NUP85: variants seen among roughly 807,000 people sequenced by gnomAD.
NUP85 encodes the protein nucleoporin 85, also known as nuclear pore complex protein Nup85.
In NUP85, 23 loss-of-function variants were observed where a neutral mutation model predicts 92.8. That is an observed-to-expected ratio of 0.25 (90% CI 0.18 to 0.35). The LOEUF (loss-of-function observed/expected upper bound fraction) is 0.35, where lower values mean the gene tolerates loss of function less well. Among genes scored for constraint, NUP85 ranks in the 10% least tolerant of loss-of-function variants. The probability of loss-of-function intolerance (pLI) is 1.00; values close to 1 mark genes in which losing one functional copy is unlikely to be tolerated. For missense variants in NUP85, 759 were observed against 822.8 expected (o/e 0.92, Z 0.95); for synonymous variants, 314 against 306.9 (o/e 1.02, Z -0.24).
At position 75,233,127 on chromosome 17, in the gene NUP85, C is replaced by T; in HGVS notation, c.1584C>T (p.Ala528=). Residue 528 remains alanine, a synonymous_variant, in exon 16 of 19, where the codon GCC becomes GCT. Coordinates refer to ENST00000245544, the MANE Select transcript of NUP85 (RefSeq NM_024844.5). ...ATCTCATTGACAACCTGGGGCCAGC[C>T]ATGATGCTCAGTGACCGACTGACAT... The part of the protein sequence containing the change: ...DLDLIDNLGP[A]MMLSDRLTFL... The T allele has an allele frequency of 6.2e-7, 1 of 1,614,148 alleles. No homozygotes were observed.
chr17:75,211,973 G>A lies in NUP85; in HGVS notation c.291-19G>A, dbSNP rs748357056. On this transcript the variant is annotated intron_variant, in intron 3 of 18. Coordinates refer to ENST00000245544, the MANE Select transcript of NUP85 (RefSeq NM_024844.5). ...AAGATGTTCCAGGCTCATCTTGTGT[G>A]TTATTTCATTTTTTGTAGATTGGTT... The A allele has an allele frequency of 1.9e-6, 3 of 1,597,760 alleles. No homozygotes were observed. The highest frequency in any genetic ancestry group is 1.1e-5 in the South Asian group (1 of 90,008).
Position 75,225,161 on chromosome 17 carries a change from A to C in NUP85, c.656A>C (p.Glu219Ala). Residue 219 changes from glutamate to alanine, a missense_variant, in exon 8 of 19, where the codon GAA (glutamate) becomes GCA (alanine). Physicochemically the swap from Glu to Ala is moderately radical, Grantham distance 107 (BLOSUM62 -1). Coordinates refer to ENST00000245544, the MANE Select transcript of NUP85 (RefSeq NM_024844.5). ...GAGGCCCGACAGATGCTCTCCAAGG[A>C]AGCCGATGCCAGCCCCGCCTCTGCA... ...LDEARQMLSKEADASPASAGI... is the reference protein window; with the variant it reads ...LDEARQMLSKAADASPASAGI... 2 of 1,604,748 alleles carry C rather than the reference A, an allele frequency of 1.2e-6. No homozygotes were observed. The highest frequency in any genetic ancestry group is 1.7e-6 in the Non-Finnish European group (2 of 1,174,454).
At chr17:75,234,996 A>G (rs1309039196) in intron 17 of NUP85, 104 bp from the exon 18 acceptor site, 1 of 1,065,642 alleles carries the variant, frequency 9.4e-7, no homozygotes, top group Non-Finnish European at 1.5e-6. Context: ...AAAGCACACT[A>G]TTGCGAAGGG....
chr17:75,235,557 C>CT, intron 18 of NUP85, 21 bp from the exon 19 acceptor site: 1 of 1,582,020 alleles, frequency 6.3e-7, no homozygotes, highest in Non-Finnish European at 8.7e-7. Flanking sequence ...TTAGCTCATG[C>CT]TGGCGCTCTC....
At chr17:75,234,881 T>C in intron 17 of NUP85, 93 bp downstream of exon 17, 1 of 1,494,366 alleles carries the variant, frequency 6.7e-7, no homozygotes. Flanking sequence ...TTTCCTCCTT[T>C]GTCGTTCTGC....
rs1259936921 is a variant in NUP85, at chr17:75,233,414, TTTC to T, written c.1615+262_1615+264del. ...TTCTCTTTCTCTTTCTCTTTCTTTC[TTTC>T]TTCTTTTCTTTTATTTTTTCTTTTT... is the stretch of plus-strand genomic sequence containing the variant. On this transcript the variant is annotated intron_variant, in intron 16 of 18. Transcript: ENST00000245544. Among the ~76,000 whole-genome samples, 82 of 130,292 alleles carry T rather than the reference TTTC, an allele frequency of 6.3e-4. 1 individual carries two copies. The South Asian group carries it at 0.017, about 27-fold the overall frequency. The allele number at this position is 130,292 out of a possible 152,430, so 85.5% of individuals were successfully genotyped here. A position where few individuals can be genotyped will look rare whatever the true frequency, so the allele number is the denominator to read the frequency against.
chr17:75,232,793 C>G, intron 14 of NUP85, 58 bp from the exon 15 acceptor site: 1 of 1,505,102 alleles, frequency 6.6e-7, no homozygotes, highest in Non-Finnish European at 9.2e-7. Context: ...CCACAGGGCT[C>G]AGGAATGGAG....
At chr17:75,218,401 A>T in intron 7 of NUP85, 95 bp downstream of exon 7, 2 of 1,513,280 alleles carry the variant, frequency 1.3e-6, no homozygotes, top group Non-Finnish European at 9.1e-7. Context: ...CTCCAGCAGT[A>T]GGCTGGCTTT....
At chr17:75,235,450 C>T in intron 18 of NUP85, 128 bp from the exon 19 acceptor site, 2 of 668,664 alleles carry the variant, frequency 3.0e-6, no homozygotes, top group East Asian at 2.7e-5. Context: ...CTTTCTTTTA[C>T]ATCGATAATT....
Position 75,232,949 on chromosome 17 carries a change from G to A in NUP85, c.1495G>A (p.Ala499Thr), listed in dbSNP as rs780475013. 5.0e-6 allele frequency: 8 copies of A among 1,614,230 alleles called. No homozygotes were observed. Among genetic ancestry groups the A allele is most frequent in the Non-Finnish European group, 3.4e-6 (4 of 1,180,044 alleles). ...WSIRAKDAAF[A>T]TLVSDRFLRD... ...CATCCGTGCTAAGGATGCCGCCTTT[G>A]CCACGCTCGTGTCAGACAGGTGGGT... Residue 499 changes from alanine to threonine, a missense_variant, in exon 15 of 19, where the codon GCC (alanine) becomes ACC (threonine). Coordinates refer to ENST00000245544, the MANE Select transcript of NUP85 (RefSeq NM_024844.5).
intron 1 of NUP85, among the ~76,000 whole-genome samples, chr17:75,207,532 T>C (rs2075122967): frequency 6.6e-6 from 1 of 151,448 alleles, no homozygotes; most frequent in Admixed American, 6.6e-5. Context: ...CAGAGTGGAG[T>C]GCAGTGGCGT....
At chr17:75,206,980 T>C in intron 1 of NUP85, among the ~76,000 whole-genome samples, 1 of 152,144 alleles carries the variant, frequency 6.6e-6, no homozygotes, top group East Asian at 1.9e-4. Flanking sequence ...GTGCTGGGAT[T>C]ACAGGCGTGA....
intron 9 of NUP85, 43 bp downstream of exon 9, chr17:75,225,507 G>C: frequency 6.2e-7 from 1 of 1,601,824 alleles, no homozygotes; most frequent in South Asian, 1.1e-5. Flanking sequence ...GGCTTCCTAT[G>C]GGGGCTGTGG....
Position 75,215,770 on chromosome 17 carries a change from C to T in NUP85, c.422C>T (p.Ala141Val). The T allele has an allele frequency of 6.2e-7, 1 of 1,613,950 alleles. No homozygotes were observed. Among genetic ancestry groups the T allele is most frequent in the Non-Finnish European group, 8.5e-7 (1 of 1,179,824 alleles). The change falls in exon 6 of 19, where the codon GCA becomes GTA. Residue 141 changes from alanine to valine, a missense_variant. Transcript: ENST00000245544. ...QFSSQVSILS[A>V]MELIWNLCEI... ...CTTCCTTAGGTCTCCATTTTGTCAG[C>T]AATGGAGCTCATCTGGAACCTGTGT...
chr17:75,225,911 T>C (rs967186924), intron 10 of NUP85, 82 bp downstream of exon 10: 1 of 1,599,472 alleles, frequency 6.3e-7, no homozygotes, highest in African/African-American at 1.3e-5. Flanking sequence ...AATTCCTCCC[T>C]GAGGAACAGG....
chr17:75,225,975 C>T lies in NUP85; in HGVS notation c.988-76C>T, dbSNP rs143761228. On this transcript the variant is annotated intron_variant, in intron 10 of 18. Coordinates refer to ENST00000245544, the MANE Select transcript of NUP85 (RefSeq NM_024844.5). ...AGAACAAGGCACCTTCTCTGGGGTT[C>T]GTTATACAGCAGCCCTGCCTGCCCC... is the stretch of plus-strand genomic sequence containing the variant. 500 of 1,600,006 alleles carry T rather than the reference C, an allele frequency of 3.1e-4. 2 individuals carry two copies. The African/African-American group carries it at 5.9e-3, about 19-fold the overall frequency.
intron 16 of NUP85, among the ~76,000 whole-genome samples, chr17:75,233,532 G>A (rs112081087): frequency 0.062 from 8,578 of 137,902 alleles, 677 homozygotes; most frequent in African/African-American, 0.18. Context: ...AGCAATTCTC[G>A]TGCCTCAGCC....
At chr17:75,225,910 C>T in intron 10 of NUP85, 81 bp downstream of exon 10, 1 of 1,599,670 alleles carries the variant, frequency 6.3e-7, no homozygotes, top group Non-Finnish European at 8.5e-7. Context: ...GAATTCCTCC[C>T]TGAGGAACAG....
rs577155751 is a variant in NUP85, at chr17:75,234,217, A to G, written c.1616-420A>G. 3.3e-5 allele frequency among the ~76,000 whole-genome samples: 5 copies of G among 150,532 alleles called. No individual in the cohort carries two copies. The South Asian group carries it at 1.0e-3, about 32-fold the overall frequency. On this transcript the variant is annotated intron_variant, in intron 16 of 18. Coordinates refer to ENST00000245544, the MANE Select transcript of NUP85 (RefSeq NM_024844.5). ...CAGGTGCATGCCACCATACCCGGCT[A>G]ATTTTTGTATTTTTAGTAGAAATGG...
Sources: gnomAD v4.1 joint callset for allele counts (sites outside exome capture counted in the v4.1 genomes callset) on GRCh38, gnomAD v4.1.1 for gene constraint, MANE v1.5 for transcripts, NCBI Gene and HGNC (gene_info 2026-07-23, HGNC 2026-07-21) for gene names.